The following HCN2 variants were observed in gnomAD, a reference collection of about 807,000 sequenced individuals.
The protein encoded by HCN2 is hyperpolarization activated cyclic nucleotide gated potassium and sodium channel 2, also known as potassium/sodium hyperpolarization-activated cyclic nucleotide-gated channel 2.
In HCN2, 20 loss-of-function variants were observed where a neutral mutation model predicts 52.3. The ratio of observed to expected loss-of-function variants is 0.38; its 90% CI spans 0.27 to 0.56. The LOEUF is 0.56. HCN2 is among the 20% of genes least tolerant of loss of function. The probability of loss-of-function intolerance (pLI) is 0.71; values close to 1 mark genes in which losing one functional copy is unlikely to be tolerated. For synonymous variants in HCN2, 694 were observed against 537.0 expected, an observed-to-expected ratio of 1.29 and a Z score of -4.04; for missense variants, 981 against 1,207.7, an observed-to-expected ratio of 0.81 and a Z score of 2.78.
intron 4 of HCN2, among the ~76,000 whole-genome samples, chr19:608,771 G>C (rs982733744): frequency 4.6e-5 from 7 of 152,116 alleles, no homozygotes; most frequent in Non-Finnish European, 1.0e-4. Context: ...GCCTGGCGGG[G>C]TCTGAGAGGC....
At position 615,969 on chromosome 19, in the gene HCN2, A is replaced by T; in HGVS notation, c.2165A>T (p.Gln722Leu). 1 of 1,599,900 alleles carries T rather than the reference A, an allele frequency of 6.3e-7. No individual in the cohort carries two copies. The change falls in exon 8 of 8, where the codon CAG becomes CTG. Residue 722 changes from glutamine (Q) to leucine (L), a missense_variant. Gln to Leu is a moderately radical substitution (Grantham distance 113, BLOSUM62 -2). Transcript: ENST00000251287. ...GLFPPPPPPP[Q>L]VTSAIATLQQ... ...TTCCCGCCGCCGCCGCCGCCGCCGC[A>T]GGTCACCTCGGCCATCGCCACGCTG...
intron 1 of HCN2, among the ~76,000 whole-genome samples, chr19:602,546 C>T (rs1405179893): frequency 1.3e-5 from 2 of 152,302 alleles, no homozygotes; most frequent in African/African-American, 2.4e-5. Flanking sequence ...CCTCACCTCC[C>T]GGCGTGAGCT....
chr19:616,249 C>A lies in HCN2; in HGVS notation c.2445C>A (p.Arg815=). Residue 815 remains arginine, a synonymous_variant, in exon 8 of 8, where the codon CGC becomes CGA. Transcript: ENST00000251287. ...CCCTGCCCGCGCGCCGCCTGAGCCG[C>A]GCGTCGCGCCCACTGTCCGCCTCGC... ...GPALPARRLS[R]ASRPLSASQP... is the part of the protein sequence containing the mutation. The A allele has an allele frequency of 9.9e-6, 10 of 1,010,688 alleles. No individual in the cohort carries two copies. The highest frequency in any genetic ancestry group is 1.1e-5 in the Non-Finnish European group (9 of 849,692). 62.6% of individuals were successfully genotyped at this position (1,010,688 alleles called of 1,614,324 possible).
chr19:605,200 G>A lies in HCN2; in HGVS notation c.1196G>A (p.Trp399Ter). 6.2e-7 allele frequency: 1 copy of A among 1,610,818 alleles called. No homozygotes were observed. The highest frequency in any genetic ancestry group is 8.5e-7 in the Non-Finnish European group (1 of 1,179,522). Reference sequence around the variant, plus strand: ...CTGCAGGACTTCCCGCGCAACTGCTGGGTGTCCATCAATGGCATGGTGGTG... The same window carrying A: ...CTGCAGGACTTCCCGCGCAACTGCTAGGTGTCCATCAATGGCATGGTGGTG... ...PMLQDFPRNCWVSINGMVNHS... is the reference protein window; with the variant it reads ...PMLQDFPRNC The change falls in exon 3 of 8, where the codon TGG becomes TAG. Residue 399 changes from tryptophan (W) to a stop codon, truncating the protein, a stop_gained. Coordinates refer to ENST00000251287, the MANE Select transcript of HCN2 (RefSeq NM_001194.4). LOFTEE classifies it high-confidence loss of function.
rs371944171 is a variant in HCN2 at position 595,294 on chromosome 19, C to G, written c.632+4717C>G. ...GCCGGGCCCTGCCTCACCCCCCACC[C>G]CACGGTTCAGCCTCGCACCCTGTGC... On this transcript the variant is annotated intron_variant, in intron 1 of 7. Coordinates refer to ENST00000251287, the MANE Select transcript of HCN2 (RefSeq NM_001194.4). Among the ~76,000 whole-genome samples the G allele has an allele frequency of 1.4e-3, 208 of 152,090 alleles. 1 individual carries two copies. The East Asian group carries it at 0.03, about 22-fold the overall frequency.
intron 5 of HCN2, among the ~76,000 whole-genome samples, chr19:610,861 C>T (rs560441904): frequency 3.3e-5 from 5 of 152,272 alleles, no homozygotes; most frequent in Non-Finnish European, 7.4e-5. Flanking sequence ...ATTCGGCCTC[C>T]CACCGTCCTG....
At chr19:614,352 C>T (rs1181051682) in intron 7 of HCN2, among the ~76,000 whole-genome samples, 2 of 152,184 alleles carry the variant, frequency 1.3e-5, no homozygotes, top group African/African-American at 4.8e-5. Flanking sequence ...TCGGTGAGCA[C>T]CTGCTGTGTG....
Position 617,118 on chromosome 19 carries a change from C to CA in HCN2, c.*645dup. On this transcript the variant is annotated 3_prime_UTR_variant, in exon 8 of 8. Transcript: ENST00000251287. ...TGGCCCCCCACGCCCCATTAACCCC[C>CA]ACACCCCCATTCCGCGCAATAAACG... 1.5e-6 allele frequency: 1 copy of CA among 683,938 alleles called. No individual in the cohort carries two copies. The highest frequency in any genetic ancestry group is 2.4e-6 in the Non-Finnish European group (1 of 410,066). The allele number at this position is 683,938 out of a possible 1,614,324, so 42.4% of individuals were successfully genotyped here. A position where few individuals can be genotyped will look rare whatever the true frequency, so the allele number is the denominator to read the frequency against.
chr19:604,752 TG>T (rs1165748543), intron 2 of HCN2, among the ~76,000 whole-genome samples: 39 of 72,520 alleles, frequency 5.4e-4, no homozygotes, highest in South Asian at 2.2e-3. Context: ...AGGGTTGTGC[TG>T]GGGCGGTGTC....
rs73918153 is a variant in HCN2 at position 594,393 on chromosome 19, G to A, written c.632+3816G>A. ...CTAAGTGCCCTGTGGCCGCCCTGCC[G>A]TCTCCTGCTGCTGCTGACTTGCAGG... On this transcript the variant is annotated intron_variant, in intron 1 of 7. Coordinates refer to ENST00000251287, the MANE Select transcript of HCN2 (RefSeq NM_001194.4). Among the ~76,000 whole-genome samples, 1,260 of 152,282 alleles carry A rather than the reference G, an allele frequency of 8.3e-3. 26 individuals carry two copies. Among genetic ancestry groups the A allele is most frequent in the African/African-American group, 0.024 (994 of 41,546 alleles).
At chr19:605,335 G>A (rs1345502014) in intron 3 of HCN2, 113 bp downstream of exon 3, 3 of 902,916 alleles carry the variant, frequency 3.3e-6, no homozygotes, top group South Asian at 2.1e-5. Flanking sequence ...TCAGAGGTGG[G>A]GACCCAGGCG....
In HCN2 at chr19:616,927, GC is replaced by G. The variant is rs1983980424; in HGVS notation, c.*458del. The G allele has an allele frequency of 2.8e-6, 1 of 362,992 alleles. No individual in the cohort carries two copies. The highest frequency in any genetic ancestry group is 5.1e-6 in the Non-Finnish European group (1 of 194,400). The allele number at this position is 362,992 out of a possible 1,614,324, so 22.5% of individuals were successfully genotyped here. On this transcript the variant is annotated 3_prime_UTR_variant, in exon 8 of 8. Coordinates refer to ENST00000251287, the MANE Select transcript of HCN2 (RefSeq NM_001194.4). The stretch of plus-strand genomic sequence containing the variant: ...TCGCGCTCACGCAATAACCGGCCCG[GC>G]CCCCGTCCGCGCGCGTCCCCCGGTG...
chr19:614,514 G>A (rs1226929922), intron 7 of HCN2, among the ~76,000 whole-genome samples: 2 of 152,184 alleles, frequency 1.3e-5, no homozygotes, highest in African/African-American at 2.4e-5. Flanking sequence ...GTGGAGACCA[G>A]GGTAAGGGAT....
rs1006003582 is a variant in HCN2 at position 601,986 on chromosome 19, C to T, written c.633-1558C>T. ...ACGGGTATTTATCATACGGAACGTCCGAATGGTGCCAAGTCCGGCTCGGCC... is the reference window on the plus strand; with the variant it reads ...ACGGGTATTTATCATACGGAACGTCTGAATGGTGCCAAGTCCGGCTCGGCC... On this transcript the variant is annotated intron_variant, in intron 1 of 7. Transcript: ENST00000251287. Among the ~76,000 whole-genome samples, 8 of 151,824 alleles carry T rather than the reference C, an allele frequency of 5.3e-5. No individual in the cohort carries two copies. In the East Asian group the frequency reaches 7.8e-4, roughly 15 times the overall value.
At chr19:609,421 C>T (rs12459773) in intron 4 of HCN2, among the ~76,000 whole-genome samples, 4,244 of 152,276 alleles carry the variant, frequency 0.028, 130 homozygotes, top group East Asian at 0.12. Context: ...GGCCTCTCCT[C>T]GTAGAGTCAG....
chr19:594,971 C>T (rs112247920), intron 1 of HCN2, among the ~76,000 whole-genome samples: 3 of 152,048 alleles, frequency 2.0e-5, no homozygotes, highest in Admixed American at 1.3e-4. Flanking sequence ...GAGGCGGAGG[C>T]GGGAGGATCG....
chr19:612,427 T>TGTGTGTGGGA lies in HCN2; in HGVS notation c.1585-820_1585-819insTGTGTGGGAG. ...GTGTGTGTGTGTGTGTGTGTGTGTG[T>TGTGTGTGGGA]GAGAGAGAGATGGAGTCTCGCTCTG... On this transcript the variant is annotated intron_variant, in intron 5 of 7. Coordinates refer to ENST00000251287, the MANE Select transcript of HCN2 (RefSeq NM_001194.4). Among the ~76,000 whole-genome samples the TGTGTGTGGGA allele has an allele frequency of 1.6e-3, 232 of 142,360 alleles. 1 individual carries two copies. The highest frequency in any genetic ancestry group is 3.1e-3 in the Non-Finnish European group (201 of 65,280). 93.4% of individuals were successfully genotyped at this position (142,360 alleles called of 152,430 possible).
At chr19:594,622 G>A (rs1982968993) in intron 1 of HCN2, among the ~76,000 whole-genome samples, 1 of 152,200 alleles carries the variant, frequency 6.6e-6, no homozygotes, top group Non-Finnish European at 1.5e-5. Flanking sequence ...GATCAGCCTG[G>A]GGGTGCAGCT....
Position 608,150 on chromosome 19 carries a change from C to T in HCN2, c.1405C>T (p.Leu469=). The part of the protein sequence containing the change: ...IGHATALIQS[L]DSSRRQYQEK... ...CCACGCCACTGCCCTCATCCAGTCG[C>T]TGGACTCCTCGCGGCGCCAGTACCA... The change falls in exon 4 of 8, where the codon CTG becomes TTG. Residue 469 remains leucine, a synonymous_variant. Transcript: ENST00000251287. 1 of 1,613,116 alleles carries T rather than the reference C, an allele frequency of 6.2e-7. No homozygotes were observed. Among genetic ancestry groups the T allele is most frequent in the Non-Finnish European group, 8.5e-7 (1 of 1,179,998 alleles).
Sources: gnomAD v4.1 joint callset for allele counts (sites outside exome capture counted in the v4.1 genomes callset) on GRCh38, gnomAD v4.1.1 for gene constraint, MANE v1.5 for transcripts, NCBI Gene and HGNC (gene_info 2026-07-23, HGNC 2026-07-21) for gene names.